Variants in GPC5 observed in about 807,000 individuals in gnomAD.
GPC5 encodes the protein glypican 5, also known as glypican-5.
In GPC5, 47 loss-of-function variants were observed where a neutral mutation model predicts 53.9. The observed-to-expected ratio is 0.87, with a 90% CI of 0.69 to 1.11. The LOEUF (loss-of-function observed/expected upper bound fraction) is 1.11, where lower values mean the gene tolerates loss of function less well. Among genes scored for constraint, GPC5 ranks in the 50% most tolerant of loss-of-function variants. GPC5 has a pLI of 0.00. For synonymous variants in GPC5, 286 were observed against 263.3 expected (o/e 1.09, Z -0.84); for missense variants, 748 against 713.1 (o/e 1.05, Z -0.56).
chr13:92,445,260 TC>T (rs1292257257), intron 7 of GPC5, among the ~76,000 whole-genome samples: 36 of 143,890 alleles, frequency 2.5e-4, no homozygotes, highest in Non-Finnish European at 4.1e-4. Context: ...TCTCTCTCTC[TC>T]TTTTTTTTTT....
At chr13:92,454,707 A>T (rs1878194260) in intron 7 of GPC5, among the ~76,000 whole-genome samples, 1 of 152,174 alleles carries the variant, frequency 6.6e-6, no homozygotes, top group African/African-American at 2.4e-5. Flanking sequence ...ATGGAGCCAA[A>T]GATGGAGCCT....
intron 7 of GPC5, among the ~76,000 whole-genome samples, chr13:92,793,021 T>G (rs1426127892): frequency 6.6e-6 from 1 of 152,148 alleles, no homozygotes; most frequent in African/African-American, 2.4e-5. Context: ...AACTCAGCTC[T>G]GCACCAAGCT....
intron 7 of GPC5, among the ~76,000 whole-genome samples, chr13:92,298,860 G>C (rs138666194): frequency 6.6e-6 from 1 of 152,104 alleles, no homozygotes; most frequent in East Asian, 1.9e-4. Flanking sequence ...CATGATCTGC[G>C]GATGAGATCA....
chr13:91,909,338 T>C (rs1831422), intron 6 of GPC5, among the ~76,000 whole-genome samples: 9,264 of 152,244 alleles, frequency 0.061, 497 homozygotes, highest in East Asian at 0.25. Flanking sequence ...TAATTGATAA[T>C]AAAACCAAAA....
intron 7 of GPC5, among the ~76,000 whole-genome samples, chr13:92,384,724 G>A (rs1021804300): frequency 9.9e-5 from 15 of 152,118 alleles, no homozygotes; most frequent in Non-Finnish European, 1.6e-4. Context: ...ATAGCAGCAG[G>A]AAGTGTGAGA....
rs149534631 is a variant in GPC5 at position 91,873,492 on chromosome 13, T to C, written c.1281-34445T>C. On this transcript the variant is annotated intron_variant, in intron 5 of 7. Coordinates refer to ENST00000377067, the MANE Select transcript of GPC5 (RefSeq NM_004466.6). ...GGCCTTTCCCGTGCTGTTCTTATGA[T>C]AGTGAATAAGTCTCACAAGATCCAG... Among the ~76,000 whole-genome samples, 797 of 152,206 alleles carry C rather than the reference T, an allele frequency of 5.2e-3. 5 individuals carry two copies. Among genetic ancestry groups the C allele is most frequent in the Non-Finnish European group, 6.8e-3 (460 of 68,020 alleles).
intron 7 of GPC5, among the ~76,000 whole-genome samples, chr13:92,611,007 T>G (rs1008320801): frequency 2.0e-5 from 3 of 150,996 alleles, no homozygotes; most frequent in African/African-American, 7.3e-5. Context: ...TAGATTTCTC[T>G]GCTTAGTGAT....
intron 7 of GPC5, among the ~76,000 whole-genome samples, chr13:92,556,507 G>C (rs1332556998): frequency 2.0e-5 from 3 of 151,726 alleles, no homozygotes; most frequent in Non-Finnish European, 4.4e-5. Context: ...GTGACAGGCT[G>C]TATGTAGAGA....
intron 7 of GPC5, among the ~76,000 whole-genome samples, chr13:92,283,887 A>T (rs1213227885): frequency 1.3e-5 from 2 of 152,244 alleles, no homozygotes; most frequent in African/African-American, 4.8e-5. Flanking sequence ...GAAATAACTA[A>T]GATCAGAGCA....
chr13:92,494,136 C>CTGGA (rs1879877738), intron 7 of GPC5, among the ~76,000 whole-genome samples: 1 of 151,888 alleles, frequency 6.6e-6, no homozygotes, highest in Non-Finnish European at 1.5e-5. Flanking sequence ...GTCGCCCAGG[C>CTGGA]TGGAGTGCAG....
chr13:92,484,150 T>A (rs903607373), intron 7 of GPC5, among the ~76,000 whole-genome samples: 2 of 151,970 alleles, frequency 1.3e-5, no homozygotes. Context: ...AAAACAAAAA[T>A]CAAAACATCT....
intron 7 of GPC5, among the ~76,000 whole-genome samples, chr13:92,851,806 G>A (rs992259536): frequency 4.0e-5 from 6 of 149,610 alleles, no homozygotes; most frequent in Non-Finnish European, 7.4e-5. Flanking sequence ...GGAGAATGGC[G>A]TGAACCGGAA....
intron 5 of GPC5, 94 bp from the exon 6 acceptor site, chr13:91,907,843 G>T: frequency 7.7e-7 from 1 of 1,301,848 alleles, no homozygotes; most frequent in Non-Finnish European, 1.1e-6. Context: ...ATTCTCTAAA[G>T]GAGGAAATTC....
At position 92,109,592 on chromosome 13, in the gene GPC5, G is replaced by A. The variant is rs571733612; in HGVS notation, c.1402-35238G>A. Reference sequence around the variant, plus strand: ...AAATACCAGACTTATAGAAGCCAGGGTTATAGAATGATGAGACACTAAAAC... The same window carrying A: ...AAATACCAGACTTATAGAAGCCAGGATTATAGAATGATGAGACACTAAAAC... On this transcript the variant is annotated intron_variant, in intron 6 of 7. Coordinates refer to ENST00000377067, the MANE Select transcript of GPC5 (RefSeq NM_004466.6). 7.9e-5 allele frequency among the ~76,000 whole-genome samples: 12 copies of A among 152,184 alleles called. No individual in the cohort carries two copies. In the South Asian group the frequency reaches 1.9e-3, roughly 24 times the overall value.
At chr13:92,611,487 T>C (rs960425294) in intron 7 of GPC5, among the ~76,000 whole-genome samples, 4 of 149,340 alleles carry the variant, frequency 2.7e-5, no homozygotes, top group African/African-American at 1.0e-4. Flanking sequence ...TCCAGTAACA[T>C]AATGTATTCA....
At position 92,752,916 on chromosome 13, in the gene GPC5, G is replaced by A. The variant is rs200172591; in HGVS notation, c.1562-113366G>A. On this transcript the variant is annotated intron_variant, in intron 7 of 7. Transcript: ENST00000377067. ...AAGGCGGCAGTGAGGCTGGGGGAGGGGCGCATACCATTGCCCAGGCTTGCT... is the reference window on the plus strand; with the variant it reads ...AAGGCGGCAGTGAGGCTGGGGGAGGAGCGCATACCATTGCCCAGGCTTGCT... Among the ~76,000 whole-genome samples the A allele has an allele frequency of 5.3e-5, 8 of 152,258 alleles. No individual in the cohort carries two copies. In the East Asian group the frequency reaches 1.6e-3, roughly 30 times the overall value.
chr13:92,862,368 C>G (rs1334085879), intron 7 of GPC5, among the ~76,000 whole-genome samples: 1 of 151,966 alleles, frequency 6.6e-6, no homozygotes, highest in African/African-American at 2.4e-5. Context: ...ATGACTATAG[C>G]TACCTTAAAA....
At chr13:91,529,517 T>G (rs1886239674) in intron 2 of GPC5, among the ~76,000 whole-genome samples, 1 of 152,202 alleles carries the variant, frequency 6.6e-6, no homozygotes, top group South Asian at 2.1e-4. Flanking sequence ...AATAGAATAC[T>G]AAAAGTATAT....
intron 7 of GPC5, among the ~76,000 whole-genome samples, chr13:92,602,737 T>A (rs910273880): frequency 1.3e-5 from 2 of 152,160 alleles, no homozygotes; most frequent in Non-Finnish European, 2.9e-5. Context: ...AGTAACCTAA[T>A]TATCTATGAC....
Sources: gnomAD v4.1 joint callset for allele counts (sites outside exome capture counted in the v4.1 genomes callset) on GRCh38, gnomAD v4.1.1 for gene constraint, MANE v1.5 for transcripts, NCBI Gene and HGNC (gene_info 2026-07-23, HGNC 2026-07-21) for gene names.